The following ZBTB16 variants were observed in gnomAD, a reference collection of about 807,000 sequenced individuals.
The protein encoded by ZBTB16 is zinc finger and BTB domain-containing protein 16.
A neutral mutation model predicts 56.8 loss-of-function variants in ZBTB16; 8 were observed. The observed-to-expected ratio is 0.14, with a 90% CI of 0.08 to 0.25. ZBTB16 has a LOEUF of 0.25. ZBTB16 is among the 10% of genes least tolerant of loss of function. The pLI is 1.00. For synonymous variants in ZBTB16, 363 were observed against 368.5 expected (o/e 0.98, Z 0.17); for missense variants, 625 against 903.0 (o/e 0.69, Z 3.95).
At chr11:114,210,047 C>T (rs641373) in intron 4 of ZBTB16, 307,792 of 806,488 alleles carry the variant, frequency 0.38, 60,302 homozygotes, top group South Asian at 0.44. Flanking sequence ...GGTCAAAAAG[C>T]CACTTGCCCG....
At chr11:114,228,601 G>GCAGTGCA (rs1210160685) in intron 4 of ZBTB16, among the ~76,000 whole-genome samples, 1 of 152,214 alleles carries the variant, frequency 6.6e-6, no homozygotes, top group Non-Finnish European at 1.5e-5. Context: ...GCCTAGAGGG[G>GCAGTGCA]CAGTGCACAG....
intron 4 of ZBTB16, among the ~76,000 whole-genome samples, chr11:114,224,742 A>G (rs1009392912): frequency 2.0e-5 from 3 of 152,176 alleles, no homozygotes; most frequent in Non-Finnish European, 4.4e-5. Flanking sequence ...TGGAAGAAAT[A>G]GGAGGGACAC....
At chr11:114,171,720 T>A (rs1942973833) in intron 3 of ZBTB16, among the ~76,000 whole-genome samples, 1 of 151,098 alleles carries the variant, frequency 6.6e-6, no homozygotes, top group Admixed American at 6.6e-5. Context: ...CACAGAGCTA[T>A]TTTTTTTTCC....
chr11:114,190,221 T>G (rs1943459598), intron 4 of ZBTB16, among the ~76,000 whole-genome samples: 1 of 152,160 alleles, frequency 6.6e-6, no homozygotes, highest in South Asian at 2.1e-4. Context: ...GATGAAAATG[T>G]TCTAAAATTG....
intron 3 of ZBTB16, among the ~76,000 whole-genome samples, chr11:114,164,628 C>T (rs1433182990): frequency 1.3e-5 from 2 of 152,176 alleles, no homozygotes; most frequent in Non-Finnish European, 2.9e-5. Context: ...CCCTTGGCTT[C>T]GCAGACACAC....
At chr11:114,198,734 G>C (rs1943662493) in intron 4 of ZBTB16, among the ~76,000 whole-genome samples, 1 of 152,172 alleles carries the variant, frequency 6.6e-6, no homozygotes, top group Non-Finnish European at 1.5e-5. Context: ...TACAATTGGT[G>C]AGTCTACGCT....
Position 114,247,254 on chromosome 11 carries a change from C to G in ZBTB16, c.1681C>G (p.Leu561Val). 1 of 1,614,248 alleles carries G rather than the reference C, an allele frequency of 6.2e-7. No individual in the cohort carries two copies. Among genetic ancestry groups the G allele is most frequent in the Non-Finnish European group, 8.5e-7 (1 of 1,180,054 alleles). Residue 561 changes from leucine (L) to valine (V), a missense_variant, in exon 6 of 7, where the codon CTC becomes GTC. By Grantham distance (32) the Leu-to-Val change is conservative. Coordinates refer to ENST00000335953, the MANE Select transcript of ZBTB16 (RefSeq NM_006006.6). Reference protein sequence around the residue: ...CGSCFRDESTLKSHKRIHTGE... With the variant: ...CGSCFRDESTVKSHKRIHTGE... ...CAGCTGCTTCCGGGATGAGAGCACACTCAAGAGCCACAAACGCATCCACAC... is the reference window on the plus strand; with the variant it reads ...CAGCTGCTTCCGGGATGAGAGCACAGTCAAGAGCCACAAACGCATCCACAC...
intron 4 of ZBTB16, among the ~76,000 whole-genome samples, chr11:114,192,515 A>C: frequency 6.6e-6 from 1 of 152,326 alleles, no homozygotes; most frequent in East Asian, 1.9e-4. Flanking sequence ...GATTATTGTC[A>C]TCAGTATTTC....
At chr11:114,235,628 T>C (rs866323514) in intron 4 of ZBTB16, among the ~76,000 whole-genome samples, 14 of 66,300 alleles carry the variant, frequency 2.1e-4, no homozygotes, top group East Asian at 1.9e-3. Flanking sequence ...CCCTCTCCCT[T>C]CCTTTCTTTC....
rs1417432881 is a variant in ZBTB16 at position 114,147,217 on chromosome 11, T to TTA, written c.1269-9120_1269-9119insTA. Among the ~76,000 whole-genome samples, 3 of 152,356 alleles carry TTA rather than the reference T, an allele frequency of 2.0e-5. No individual in the cohort carries two copies. The East Asian group carries it at 5.8e-4, about 29-fold the overall frequency. ...TCTTAGGCCTTTAATAAACCTCAGT[T>TTA]ATTCTCAACAATCTCTGAGTTTCCA... is the stretch of plus-strand genomic sequence containing the variant. On this transcript the variant is annotated intron_variant, in intron 2 of 6. Coordinates refer to ENST00000335953, the MANE Select transcript of ZBTB16 (RefSeq NM_006006.6).
At chr11:114,142,765 G>A (rs934060772) in intron 2 of ZBTB16, among the ~76,000 whole-genome samples, 10 of 152,100 alleles carry the variant, frequency 6.6e-5, no homozygotes, top group Non-Finnish European at 5.9e-5. Flanking sequence ...CTTGGGGAGG[G>A]GGAGCTGGGG....
intron 1 of ZBTB16, among the ~76,000 whole-genome samples, chr11:114,062,597 G>A (rs1565601914): frequency 6.6e-6 from 1 of 152,236 alleles, no homozygotes; most frequent in Non-Finnish European, 1.5e-5. Context: ...CCTGAGAACA[G>A]TAGAAGGCCA....
chr11:114,081,716 T>A (rs1939767933), intron 2 of ZBTB16, among the ~76,000 whole-genome samples: 1 of 152,068 alleles, frequency 6.6e-6, no homozygotes, highest in South Asian at 2.1e-4. Context: ...AGTAGGATAT[T>A]AAAGGATAAG....
At chr11:114,185,453 G>C (rs1943339393) in intron 3 of ZBTB16, among the ~76,000 whole-genome samples, 1 of 152,208 alleles carries the variant, frequency 6.6e-6, no homozygotes. Context: ...TATGGAGGTG[G>C]GTGGCTAACT....
intron 6 of ZBTB16, among the ~76,000 whole-genome samples, chr11:114,248,769 A>G (rs1944862125): frequency 1.3e-5 from 2 of 152,192 alleles, no homozygotes; most frequent in Non-Finnish European, 2.9e-5. Flanking sequence ...GATGACAACT[A>G]TAGTGGCCCA....
chr11:114,214,241 T>C (rs1388996812), intron 4 of ZBTB16, among the ~76,000 whole-genome samples: 1 of 152,210 alleles, frequency 6.6e-6, no homozygotes, highest in Non-Finnish European at 1.5e-5. Flanking sequence ...GTACACATTA[T>C]ATGTTCAATA....
chr11:114,120,996 G>A (rs1397154037), intron 2 of ZBTB16, among the ~76,000 whole-genome samples: 3 of 152,138 alleles, frequency 2.0e-5, no homozygotes, highest in African/African-American at 7.2e-5. Flanking sequence ...TAGTTAAATG[G>A]TTGGAAAAAA....
At chr11:114,191,222 A>G (rs1304100405) in intron 4 of ZBTB16, among the ~76,000 whole-genome samples, 1 of 152,212 alleles carries the variant, frequency 6.6e-6, no homozygotes. Context: ...TTTGGACAGG[A>G]CAAATATCCA....
In ZBTB16 at chr11:114,066,370, C is replaced by T. The variant is rs957730223; in HGVS notation, c.1268+1802C>T. On this transcript the variant is annotated intron_variant, in intron 2 of 6. Transcript: ENST00000335953. ...AGGTGTGTCTTCTTGATGCTTGTAC[C>T]GCTCAGAAATAGACTGAGGTTGTGT... 3.9e-5 allele frequency among the ~76,000 whole-genome samples: 6 copies of T among 152,188 alleles called. No individual in the cohort carries two copies. In the East Asian group the frequency reaches 5.8e-4, roughly 15 times the overall value.
Sources: gnomAD v4.1 joint callset for allele counts (sites outside exome capture counted in the v4.1 genomes callset) on GRCh38, gnomAD v4.1.1 for gene constraint, MANE v1.5 for transcripts, NCBI Gene and HGNC (gene_info 2026-07-23, HGNC 2026-07-21) for gene names.